MAGI1: variants seen among roughly 807,000 people sequenced by gnomAD.
The protein encoded by MAGI1 is membrane associated guanylate kinase, WW and PDZ domain containing 1.
Under a neutral mutation model 139.9 loss-of-function variants are expected in MAGI1, and 58 were observed. The observed-to-expected ratio is 0.41, with a 90% CI of 0.34 to 0.52. MAGI1 has a LOEUF of 0.52. Among genes scored for constraint, MAGI1 ranks in the 20% least tolerant of loss-of-function variants. The pLI, the probability that MAGI1 is intolerant of heterozygous loss-of-function variation, is 0.12. For synonymous variants in MAGI1, 812 were observed against 737.9 expected (o/e 1.10, Z -1.63); for missense variants, 1,874 against 1,901.6 (o/e 0.99, Z 0.27).
chr3:65,694,604 A>G (rs530381827), intron 1 of MAGI1, among the ~76,000 whole-genome samples: 13 of 152,334 alleles, frequency 8.5e-5, no homozygotes, highest in African/African-American at 3.1e-4. Flanking sequence ...GGCAACACCA[A>G]AAGTTGATTC....
At chr3:65,549,499 C>G (rs987470332) in intron 2 of MAGI1, 1 of 985,322 alleles carries the variant, frequency 1.0e-6, no homozygotes. Context: ...CCCCGCGCGT[C>G]TGAGCGGCCC....
At chr3:65,450,615 T>C (rs1267147067) in intron 6 of MAGI1, among the ~76,000 whole-genome samples, 1 of 152,154 alleles carries the variant, frequency 6.6e-6, no homozygotes, top group Non-Finnish European at 1.5e-5. Flanking sequence ...TCGTTGACAT[T>C]ATCAATCACA....
At chr3:65,680,045 T>C (rs189048796) in intron 1 of MAGI1, among the ~76,000 whole-genome samples, 1 of 152,294 alleles carries the variant, frequency 6.6e-6, no homozygotes, top group African/African-American at 2.4e-5. Context: ...TCTCTCTCTC[T>C]TTGATCCCAA....
intron 1 of MAGI1, among the ~76,000 whole-genome samples, chr3:65,700,141 G>C (rs1181942073): frequency 1.3e-5 from 2 of 152,088 alleles, no homozygotes; most frequent in African/African-American, 4.8e-5. Flanking sequence ...GGTTGAGATA[G>C]CCTCTAAAGA....
intron 1 of MAGI1, among the ~76,000 whole-genome samples, chr3:65,738,391 G>A (rs2034967685): frequency 6.6e-6 from 1 of 152,132 alleles, no homozygotes; most frequent in Non-Finnish European, 1.5e-5. Flanking sequence ...TTGCCAGGCT[G>A]CACTGAAACT....
At chr3:65,581,746 A>G (rs536316027) in intron 2 of MAGI1, among the ~76,000 whole-genome samples, 5 of 152,076 alleles carry the variant, frequency 3.3e-5, no homozygotes, top group Admixed American at 1.3e-4. Flanking sequence ...ACCTTGCTCT[A>G]TTTTTCCTTT....
chr3:65,750,869 A>T (rs912867289), intron 1 of MAGI1, among the ~76,000 whole-genome samples: 3 of 152,218 alleles, frequency 2.0e-5, no homozygotes, highest in African/African-American at 7.2e-5. Context: ...TACTACTTGA[A>T]ATTTTTGCAG....
intron 1 of MAGI1, among the ~76,000 whole-genome samples, chr3:65,627,122 T>A (rs1305845621): frequency 6.6e-6 from 1 of 152,210 alleles, no homozygotes; most frequent in African/African-American, 2.4e-5. Context: ...CTTCTCTATG[T>A]TTGCATATGT....
intron 1 of MAGI1, among the ~76,000 whole-genome samples, chr3:65,760,169 C>A (rs1306315029): frequency 1.3e-5 from 2 of 151,932 alleles, no homozygotes; most frequent in African/African-American, 2.4e-5. Context: ...CCTCCTCCTC[C>A]TCCTCCTCCC....
chr3:65,685,816 C>A (rs2087978040), intron 1 of MAGI1, among the ~76,000 whole-genome samples: 1 of 152,128 alleles, frequency 6.6e-6, no homozygotes, highest in African/African-American at 2.4e-5. Flanking sequence ...CTCTGACACT[C>A]AAGGACTACT....
At chr3:65,737,161 G>A (rs1029440038) in intron 1 of MAGI1, among the ~76,000 whole-genome samples, 4 of 152,046 alleles carry the variant, frequency 2.6e-5, no homozygotes, top group South Asian at 2.1e-4. Context: ...CCGCCACCAC[G>A]CCTGGCTAAT....
intron 2 of MAGI1, among the ~76,000 whole-genome samples, chr3:65,506,522 C>A (rs1306258789): frequency 6.6e-6 from 1 of 152,158 alleles, no homozygotes; most frequent in Admixed American, 6.5e-5. Context: ...CATCCCTAAT[C>A]ACCATTTTTC....
chr3:65,804,807 G>A (rs2040743620), intron 1 of MAGI1, among the ~76,000 whole-genome samples: 1 of 152,096 alleles, frequency 6.6e-6, no homozygotes, highest in South Asian at 2.1e-4. Context: ...TCTGATCTTT[G>A]ACAAACCGGA....
At chr3:65,993,103 C>G (rs2107373694) in intron 1 of MAGI1, among the ~76,000 whole-genome samples, 1 of 152,154 alleles carries the variant, frequency 6.6e-6, no homozygotes, top group Non-Finnish European at 1.5e-5. Context: ...AGTGCTGGGA[C>G]TACATGCACC....
chr3:65,595,681 AAC>A (rs1236206332), intron 2 of MAGI1, among the ~76,000 whole-genome samples: 8 of 152,200 alleles, frequency 5.3e-5, no homozygotes, highest in Non-Finnish European at 1.0e-4. Context: ...CTCTAGCACA[AAC>A]ACAACAAATC....
intron 12 of MAGI1, chr3:65,401,817 A>G (rs977196627): frequency 1.5e-6 from 2 of 1,299,002 alleles, no homozygotes; most frequent in Non-Finnish European, 2.0e-6. Context: ...TTAACTTACA[A>G]TTAAGTCCAG....
chr3:65,882,860 A>C (rs35099342), intron 1 of MAGI1, among the ~76,000 whole-genome samples: 2 of 149,838 alleles, frequency 1.3e-5, no homozygotes, highest in African/African-American at 4.9e-5. Flanking sequence ...ACTTGAGCCC[A>C]GGAGGTTGAG....
intron 2 of MAGI1, among the ~76,000 whole-genome samples, chr3:65,545,991 C>A (rs2079482373): frequency 7.0e-6 from 1 of 143,508 alleles, no homozygotes; most frequent in African/African-American, 2.7e-5. Flanking sequence ...CACACACACA[C>A]ACGCACACAC....
At chr3:65,404,532 A>C (rs1266079341) in intron 12 of MAGI1, among the ~76,000 whole-genome samples, 1 of 152,226 alleles carries the variant, frequency 6.6e-6, no homozygotes, top group Non-Finnish European at 1.5e-5. Flanking sequence ...ATTAATATTT[A>C]AATAGTCAAA....
Sources: allele counts gnomAD v4.1 joint callset (sites outside exome capture counted in the v4.1 genomes callset), GRCh38; gene constraint gnomAD v4.1.1; transcripts MANE v1.5; gene names NCBI Gene and HGNC (gene_info 2026-07-23, HGNC 2026-07-21).